The following ZNF454 variants were observed in gnomAD, a reference collection of about 807,000 sequenced individuals.
ZNF454 encodes the protein zinc finger protein 454.
ZNF454 carries 30 observed loss-of-function variants against 48.2 expected under a neutral mutation model. That is an observed-to-expected ratio of 0.62 (90% CI 0.47 to 0.84). The LOEUF (loss-of-function observed/expected upper bound fraction) is 0.84, where lower values mean the gene tolerates loss of function less well. ZNF454 is among the 40% of genes least tolerant of loss of function. The pLI is 0.00. For synonymous variants in ZNF454, 204 were observed against 211.4 expected, an observed-to-expected ratio of 0.97 and a Z score of 0.30; for missense variants, 510 against 623.1, an observed-to-expected ratio of 0.82 and a Z score of 1.93.
chr5:178,968,780 C>T (rs1436445471), downstream of ZNF454: 1 of 456,716 alleles, frequency 2.2e-6, no homozygotes. Flanking sequence ...GTGGTTTTGT[C>T]TATCTGTAAT....
At chr5:178,987,573 C>T in the ZNF454 span, 18 of 400,712 alleles carry the variant, frequency 4.5e-5, no homozygotes, top group Middle Eastern at 3.7e-4. Flanking sequence ...GCGCAAATAC[C>T]GTCTGATGCC....
chr5:178,985,965 T>C, the ZNF454 span, among the ~76,000 whole-genome samples: 1 of 152,188 alleles, frequency 6.6e-6, no homozygotes, highest in South Asian at 2.1e-4. Flanking sequence ...TCATGCCATG[T>C]TGCCCAGGCT....
the ZNF454 span, chr5:178,979,922 T>G: frequency 6.5e-6 from 1 of 154,452 alleles, no homozygotes. Context: ...ATGAGAGAGC[T>G]GCACAGGAGA....
rs545905689 is a variant in ZNF454 at position 178,964,941 on chromosome 5, G to A, written c.537G>A (p.Glu179=). The A allele has an allele frequency of 3.3e-5, 54 of 1,614,214 alleles. No homozygotes were observed. In the South Asian group the frequency reaches 4.5e-4, roughly 13 times the overall value. ...TTCAACCTAGCAAAAATGCCTTTGA[G>A]TGTAGTGAGTGTGGAAAAGTCTTCT... ...QGFQPSKNAF[E]CSECGKVFSK... Residue 179 remains glutamate (E), a synonymous_variant, in exon 5 of 5, where the codon GAG becomes GAA. Transcript: ENST00000519564.
At chr5:178,958,691 A>G (rs1054531939) in intron 4 of ZNF454, among the ~76,000 whole-genome samples, 4 of 152,222 alleles carry the variant, frequency 2.6e-5, no homozygotes, top group Non-Finnish European at 5.9e-5. Flanking sequence ...TTATACTCCT[A>G]CCGGCGAAAT....
At chr5:178,950,313 G>C (rs759674542) in intron 4 of ZNF454, among the ~76,000 whole-genome samples, 1 of 152,248 alleles carries the variant, frequency 6.6e-6, no homozygotes, top group African/African-American at 2.4e-5. Flanking sequence ...CGTGCTGAGA[G>C]ATTTGGGGGG....
At chr5:178,973,460 G>A in the ZNF454 span, among the ~76,000 whole-genome samples, 1 of 152,130 alleles carries the variant, frequency 6.6e-6, no homozygotes, top group South Asian at 2.1e-4. Flanking sequence ...TTAACCACCT[G>A]AAGTTCAATT....
the ZNF454 span, chr5:178,982,837 T>C: frequency 5.7e-6 from 6 of 1,056,520 alleles, no homozygotes; most frequent in Non-Finnish European, 8.9e-6. Flanking sequence ...GAACAAGCAT[T>C]TAATCTCATG....
At chr5:178,983,515 TG>T in the ZNF454 span, 5 of 612,586 alleles carry the variant, frequency 8.2e-6, no homozygotes, top group African/African-American at 1.8e-5. Context: ...AGGGGCAGCT[TG>T]GTGTCCTCTT....
At chr5:178,964,238 A>G (rs1760076624) in intron 4 of ZNF454, among the ~76,000 whole-genome samples, 1 of 151,336 alleles carries the variant, frequency 6.6e-6, no homozygotes, top group Non-Finnish European at 1.5e-5. Flanking sequence ...CTCCTGCCTC[A>G]GCCTCCTGAG....
chr5:178,955,005 C>T (rs1759691395), intron 4 of ZNF454, among the ~76,000 whole-genome samples: 1 of 152,202 alleles, frequency 6.6e-6, no homozygotes, highest in South Asian at 2.1e-4. Flanking sequence ...CCACTATGAA[C>T]ATTCTTGTGT....
the ZNF454 span, among the ~76,000 whole-genome samples, chr5:178,984,541 C>A: frequency 1.3e-5 from 2 of 152,172 alleles, no homozygotes; most frequent in African/African-American, 4.8e-5. Context: ...CAGTGTGGGG[C>A]GGGCAGTGGC....
chr5:178,988,793 C>T, the ZNF454 span: 1 of 678,046 alleles, frequency 1.5e-6, no homozygotes, highest in Admixed American at 2.4e-5. This position sits in a 1 kb window ranked among gnomAD's most constrained non-coding sequence, Gnocchi z 6.0. Context: ...TGTCTCATGT[C>T]TTTGGCACTC....
intron 2 of ZNF454, 73 bp downstream of exon 2, chr5:178,942,897 G>A (rs544482476): frequency 9.1e-6 from 14 of 1,540,546 alleles, no homozygotes; most frequent in South Asian, 3.7e-5. Flanking sequence ...TCCTCAGACC[G>A]GGAGCTTTAT....
the ZNF454 span, chr5:178,985,885 C>A: frequency 3.9e-5 from 22 of 564,824 alleles, no homozygotes; most frequent in Non-Finnish European, 7.0e-5. Flanking sequence ...TTTCAGCCTC[C>A]CAAGTAGCTA....
chr5:178,949,842 C>T (rs1219828816), intron 4 of ZNF454, among the ~76,000 whole-genome samples: 1 of 152,006 alleles, frequency 6.6e-6, no homozygotes, highest in Admixed American at 6.6e-5. Context: ...GTCTTGATCT[C>T]TTGACCTCGT....
chr5:178,942,771 G>C lies in ZNF454; in HGVS notation c.-21G>C. 6.2e-7 allele frequency: 1 copy of C among 1,613,986 alleles called. No individual in the cohort carries two copies. The highest frequency in any genetic ancestry group is 8.5e-7 in the Non-Finnish European group (1 of 1,179,956). On this transcript the variant is annotated 5_prime_UTR_variant, in exon 2 of 5. Coordinates refer to ENST00000519564, the MANE Select transcript of ZNF454 (RefSeq NM_001178089.3). ...CATAGCACTTTGCCTGTCCCTAAGA[G>C]GGCTCATCGGAGAAGAAAGAATGGC...
chr5:178,967,247 C>T (rs898622166), downstream of ZNF454, among the ~76,000 whole-genome samples: 1 of 152,198 alleles, frequency 6.6e-6, no homozygotes, highest in South Asian at 2.1e-4. Context: ...TTACGTTGTA[C>T]TATTCCCAGT....
chr5:178,967,063 A>T (rs1291589925), downstream of ZNF454, among the ~76,000 whole-genome samples: 1 of 152,132 alleles, frequency 6.6e-6, no homozygotes, highest in Non-Finnish European at 1.5e-5. Flanking sequence ...GCACAACTTG[A>T]TCAAAATTCT....
Sources: allele counts gnomAD v4.1 joint callset (sites outside exome capture counted in the v4.1 genomes callset), GRCh38; gene constraint gnomAD v4.1.1; non-coding constraint Gnocchi (gnomAD v3.1); transcripts MANE v1.5; gene names NCBI Gene and HGNC (gene_info 2026-07-23, HGNC 2026-07-21).